Variants in AGBL1 observed in about 807,000 individuals in gnomAD.
The protein encoded by AGBL1 is cytosolic carboxypeptidase 4.
Under a neutral mutation model 118.9 loss-of-function variants are expected in AGBL1, and 130 were observed. That is an observed-to-expected ratio of 1.09 (90% CI 0.95 to 1.26). The LOEUF is 1.26. Ranked by LOEUF, AGBL1 falls within the 50% of genes most tolerant of loss-of-function variation. AGBL1 has a pLI of 0.00. For missense variants in AGBL1, 1,584 were observed against 1,298.1 expected (o/e 1.22, Z -3.38); for synonymous variants, 555 against 478.9 (o/e 1.16, Z -2.08).
intron 22 of AGBL1, among the ~76,000 whole-genome samples, chr15:86,832,029 G>T (rs557415894): frequency 6.6e-6 from 1 of 152,304 alleles, no homozygotes; most frequent in African/African-American, 2.4e-5. Flanking sequence ...CAAGGCTTGG[G>T]GCTTGCACCC....
chr15:86,915,798 C>T lies in AGBL1; in HGVS notation c.*8504C>T, dbSNP rs751703712. 2.0e-5 allele frequency: 3 copies of T among 152,168 alleles called. No homozygotes were observed. The highest frequency in any genetic ancestry group is 6.5e-5 in the Admixed American group (1 of 15,278). The allele number at this position is 152,168 out of a possible 1,614,324, so 9.4% of individuals were successfully genotyped here. A position where few individuals can be genotyped will look rare whatever the true frequency, so the allele number is the denominator to read the frequency against. On this transcript the variant is annotated 3_prime_UTR_variant, in exon 23 of 23. Transcript: ENST00000614907. ...GTTGAGATCTTAATTTCTGTTAGAA[C>T]GGTCTCCTGAGAATGACCTCCTACC...
intron 22 of AGBL1, among the ~76,000 whole-genome samples, chr15:86,741,509 A>G (rs1245240135): frequency 6.6e-6 from 1 of 150,644 alleles, no homozygotes; most frequent in Non-Finnish European, 1.5e-5. Flanking sequence ...GTAAATAAAT[A>G]GGATAATGGA....
chr15:86,801,141 C>T lies in AGBL1; in HGVS notation c.3159-105946C>T, dbSNP rs538964337. ...GATCCTTACATTCACCATCTTACAGCTTCAAACGTTGCCTTTTCCTGTAGT... is the reference window on the plus strand; with the variant it reads ...GATCCTTACATTCACCATCTTACAGTTTCAAACGTTGCCTTTTCCTGTAGT... On this transcript the variant is annotated intron_variant, in intron 22 of 22. Transcript: ENST00000614907. Among the ~76,000 whole-genome samples, 3 of 152,198 alleles carry T rather than the reference C, an allele frequency of 2.0e-5. No homozygotes were observed. In the South Asian group the frequency reaches 6.2e-4, roughly 32 times the overall value.
intron 21 of AGBL1, among the ~76,000 whole-genome samples, chr15:86,555,976 T>G (rs1200093054): frequency 6.6e-6 from 1 of 152,208 alleles, no homozygotes; most frequent in South Asian, 2.1e-4. Context: ...TCTCTGTACA[T>G]GTGTCTTGAT....
chr15:86,389,342 C>A (rs544846744), intron 17 of AGBL1, among the ~76,000 whole-genome samples: 1 of 152,158 alleles, frequency 6.6e-6, no homozygotes, highest in East Asian at 1.9e-4. Context: ...CAAGTTCTTG[C>A]ACAATCTTGG....
At chr15:86,747,713 G>A (rs1263857806) in intron 22 of AGBL1, among the ~76,000 whole-genome samples, 1 of 152,150 alleles carries the variant, frequency 6.6e-6, no homozygotes, top group Non-Finnish European at 1.5e-5. Context: ...CCACCTAGGA[G>A]TGAGAACATG....
intron 17 of AGBL1, among the ~76,000 whole-genome samples, chr15:86,365,880 C>G (rs1222479944): frequency 6.6e-6 from 1 of 151,556 alleles, no homozygotes; most frequent in Non-Finnish European, 1.5e-5. Flanking sequence ...TTTATCCTGA[C>G]AAAAATTGAT....
intron 22 of AGBL1, among the ~76,000 whole-genome samples, chr15:86,834,757 G>C (rs1175978128): frequency 1.3e-5 from 2 of 152,148 alleles, no homozygotes; most frequent in Non-Finnish European, 2.9e-5. Context: ...GTCCATGCCA[G>C]GCCACTGTCA....
rs1597493151 is a variant in AGBL1 at position 86,173,885 on chromosome 15, C to T, written c.488+14859C>T. On this transcript the variant is annotated intron_variant, in intron 5 of 22. Coordinates refer to ENST00000614907, the MANE Select transcript of AGBL1 (RefSeq NM_001386094.1). Reference sequence around the variant, plus strand: ...TTGAAGGCAGGTAGTGTAATGCCTCCAGCTTTGTTCATTTTGCTTAGGATT... The same window carrying T: ...TTGAAGGCAGGTAGTGTAATGCCTCTAGCTTTGTTCATTTTGCTTAGGATT... Among the ~76,000 whole-genome samples the T allele has an allele frequency of 2.0e-5, 3 of 152,062 alleles. 1 individual carries two copies. The highest frequency in any genetic ancestry group is 2.0e-4 in the Admixed American group (3 of 15,250).
At chr15:86,236,201 C>T (rs1020156506) in intron 6 of AGBL1, among the ~76,000 whole-genome samples, 5 of 152,162 alleles carry the variant, frequency 3.3e-5, no homozygotes, top group South Asian at 4.1e-4. Flanking sequence ...AAGTTAGAGA[C>T]GCTGCTCAGC....
At chr15:86,746,156 C>T (rs2077753618) in intron 22 of AGBL1, among the ~76,000 whole-genome samples, 1 of 152,080 alleles carries the variant, frequency 6.6e-6, no homozygotes, top group Non-Finnish European at 1.5e-5. Context: ...AGAGTTTTCA[C>T]AACACACCTG....
chr15:86,155,004 C>T (rs1307179253), intron 4 of AGBL1, among the ~76,000 whole-genome samples: 1 of 152,076 alleles, frequency 6.6e-6, no homozygotes, highest in East Asian at 1.9e-4. Context: ...CATCCCTTAC[C>T]ATTTAAAAAA....
chr15:86,750,919 C>T (rs2077841233), intron 22 of AGBL1, among the ~76,000 whole-genome samples: 1 of 152,052 alleles, frequency 6.6e-6, no homozygotes, highest in African/African-American at 2.4e-5. Context: ...CATTAGTTTG[C>T]CGAGGATAAT....
At chr15:86,758,248 A>G (rs560484950) in intron 22 of AGBL1, among the ~76,000 whole-genome samples, 1 of 151,826 alleles carries the variant, frequency 6.6e-6, no homozygotes, top group Admixed American at 6.6e-5. Flanking sequence ...TTTCCTAAAC[A>G]CTCCAAGCTC....
At chr15:86,941,963 A>G (rs1285739892) in intron 23 of AGBL1, among the ~76,000 whole-genome samples, 1 of 152,244 alleles carries the variant, frequency 6.6e-6, no homozygotes, top group Non-Finnish European at 1.5e-5. Context: ...ACAAGGCAGT[A>G]AAAAGGGTGA....
At chr15:86,396,208 C>T (rs1006904272) in intron 17 of AGBL1, among the ~76,000 whole-genome samples, 19 of 135,914 alleles carry the variant, frequency 1.4e-4, no homozygotes, top group African/African-American at 3.9e-4. Flanking sequence ...AAATCATATA[C>T]GTGTGTGTGT....
intron 22 of AGBL1, among the ~76,000 whole-genome samples, 183 bp downstream of exon 22, chr15:86,674,619 G>A (rs2085805532): frequency 6.6e-6 from 1 of 152,080 alleles, no homozygotes; most frequent in Non-Finnish European, 1.5e-5. Context: ...CTGCCTGTTT[G>A]TACACATATA....
At chr15:86,156,884 G>A (rs1382632129) in intron 4 of AGBL1, among the ~76,000 whole-genome samples, 4 of 150,584 alleles carry the variant, frequency 2.7e-5, no homozygotes, top group Non-Finnish European at 5.9e-5. Flanking sequence ...CTGCCTCCTG[G>A]GTTCAAATGA....
At chr15:86,531,841 C>T (rs1044140586) in intron 19 of AGBL1, among the ~76,000 whole-genome samples, 2 of 145,252 alleles carry the variant, frequency 1.4e-5, no homozygotes, top group Admixed American at 6.8e-5. Context: ...AGCATATAAA[C>T]AGAGTCAAAG....
Sources: allele counts gnomAD v4.1 joint callset (sites outside exome capture counted in the v4.1 genomes callset), GRCh38; gene constraint gnomAD v4.1.1; transcripts MANE v1.5; gene names NCBI Gene and HGNC (gene_info 2026-07-23, HGNC 2026-07-21).